SMYD3: variants seen among roughly 807,000 people sequenced by gnomAD.
SMYD3 encodes histone-lysine N-methyltransferase SMYD3.
SMYD3 carries 36 observed loss-of-function variants against 57.7 expected under a neutral mutation model. The ratio of observed to expected loss-of-function variants is 0.62; its 90% CI spans 0.48 to 0.82. SMYD3 has a LOEUF of 0.82. Ranked by LOEUF, SMYD3 falls within the 40% of genes least tolerant of loss-of-function variation. The pLI, the probability that SMYD3 is intolerant of heterozygous loss-of-function variation, is 0.00. For synonymous variants in SMYD3, 211 were observed against 195.0 expected, an observed-to-expected ratio of 1.08 and a Z score of -0.68; for missense variants, 515 against 538.8, an observed-to-expected ratio of 0.96 and a Z score of 0.44.
intron 5 of SMYD3, among the ~76,000 whole-genome samples, chr1:246,088,558 C>G (rs539057581): frequency 0.013 from 1,868 of 140,402 alleles, 80 homozygotes; most frequent in African/African-American, 0.053. Flanking sequence ...TGCAGTGAGC[C>G]GAGATCATGC....
chr1:246,189,964 T>C (rs1255290546), intron 5 of SMYD3, among the ~76,000 whole-genome samples: 3 of 152,216 alleles, frequency 2.0e-5, no homozygotes, highest in Non-Finnish European at 2.9e-5. Flanking sequence ...AGGGGAAATA[T>C]GGAGATCAGT....
chr1:245,824,182 T>C (rs978896956), intron 10 of SMYD3, among the ~76,000 whole-genome samples: 8 of 152,190 alleles, frequency 5.3e-5, no homozygotes, highest in Non-Finnish European at 8.8e-5. Flanking sequence ...CTGCACAAGC[T>C]TGGCATAGAG....
At chr1:245,960,047 G>A (rs570079452) in intron 5 of SMYD3, among the ~76,000 whole-genome samples, 1 of 152,262 alleles carries the variant, frequency 6.6e-6, no homozygotes, top group East Asian at 1.9e-4. Flanking sequence ...CCAAAGTGCT[G>A]GGATTACAGG....
At chr1:246,498,680 G>A (rs1206052358) in intron 1 of SMYD3, among the ~76,000 whole-genome samples, 4 of 145,304 alleles carry the variant, frequency 2.8e-5, no homozygotes, top group East Asian at 2.0e-4. Context: ...GCAGTGAGCC[G>A]AGATCGCACC....
chr1:246,308,828 T>C (rs2065029472), intron 5 of SMYD3, among the ~76,000 whole-genome samples: 1 of 152,194 alleles, frequency 6.6e-6, no homozygotes, highest in Non-Finnish European at 1.5e-5. Flanking sequence ...GGTCAGTATT[T>C]TTAAAAACAA....
intron 1 of SMYD3, among the ~76,000 whole-genome samples, chr1:246,454,987 A>G (rs2067681481): frequency 6.6e-6 from 1 of 152,172 alleles, no homozygotes; most frequent in African/African-American, 2.4e-5. Context: ...CAATACAACA[A>G]ATTTATAACT....
At chr1:246,074,065 T>C (rs1433598430) in intron 5 of SMYD3, among the ~76,000 whole-genome samples, 1 of 152,240 alleles carries the variant, frequency 6.6e-6, no homozygotes, top group Non-Finnish European at 1.5e-5. Context: ...TTTTGTGTGA[T>C]TTTTGTTCTT....
chr1:245,990,817 G>A (rs1396959758), intron 5 of SMYD3, among the ~76,000 whole-genome samples: 3 of 152,200 alleles, frequency 2.0e-5, no homozygotes, highest in Admixed American at 6.5e-5. Context: ...AAGATAACAC[G>A]TGTGTGGTTT....
chr1:246,362,759 C>G (rs936105133), intron 1 of SMYD3, among the ~76,000 whole-genome samples: 2 of 152,244 alleles, frequency 1.3e-5, no homozygotes, highest in African/African-American at 4.8e-5. Flanking sequence ...CTCGTTCACT[C>G]AGTGGTCAAT....
At chr1:246,485,383 A>G (rs1434709371) in intron 1 of SMYD3, among the ~76,000 whole-genome samples, 1 of 152,246 alleles carries the variant, frequency 6.6e-6, no homozygotes, top group Non-Finnish European at 1.5e-5. Context: ...CATTTTTCCA[A>G]TTTCCAAGAT....
At chr1:246,215,086 G>A (rs139868611) in intron 5 of SMYD3, among the ~76,000 whole-genome samples, 3 of 152,174 alleles carry the variant, frequency 2.0e-5, no homozygotes, top group East Asian at 1.9e-4. Flanking sequence ...ATGGCCACAC[G>A]CATGTGGAAG....
chr1:245,978,532 G>T (rs1239737917), intron 5 of SMYD3, among the ~76,000 whole-genome samples: 1 of 152,116 alleles, frequency 6.6e-6, no homozygotes, highest in Non-Finnish European at 1.5e-5. Flanking sequence ...CGAGTGGGTA[G>T]AAATCATCTT....
chr1:245,976,951 C>G (rs112877556), intron 5 of SMYD3, among the ~76,000 whole-genome samples: 13 of 46,440 alleles, frequency 2.8e-4, no homozygotes, highest in South Asian at 9.0e-4. Context: ...GCCATCGTCT[C>G]TAGCCTAGGG....
intron 1 of SMYD3, among the ~76,000 whole-genome samples, chr1:246,455,177 A>T (rs1348224306): frequency 6.6e-6 from 1 of 152,182 alleles, no homozygotes; most frequent in Non-Finnish European, 1.5e-5. Flanking sequence ...TGTTATAGAG[A>T]ATTTCTCACT....
intron 5 of SMYD3, among the ~76,000 whole-genome samples, chr1:246,096,711 T>C (rs75313091): frequency 6.6e-6 from 1 of 152,204 alleles, no homozygotes; most frequent in African/African-American, 2.4e-5. Flanking sequence ...GAACTAACTT[T>C]TGTTGAATAA....
At chr1:246,154,759 G>GTTTT (rs923768945) in intron 5 of SMYD3, among the ~76,000 whole-genome samples, 1 of 146,066 alleles carries the variant, frequency 6.8e-6, no homozygotes, top group African/African-American at 2.5e-5. Flanking sequence ...AACAAACAAT[G>GTTTT]TTTTTTTTTT....
chr1:245,849,114 A>G (rs1041386764), intron 10 of SMYD3, among the ~76,000 whole-genome samples: 1 of 152,188 alleles, frequency 6.6e-6, no homozygotes, highest in Non-Finnish European at 1.5e-5. Context: ...GGGTCCCTCC[A>G]GGTTGGACAA....
chr1:246,100,501 T>G lies in SMYD3; in HGVS notation c.532-170564A>C, dbSNP rs570542782. On this transcript the variant is annotated intron_variant, in intron 5 of 11. Transcript: ENST00000490107. ...CCAAAGCTCACTTTTTCCACAGATC[T>G]GCCTGCAACCCTTGCTTTCCCTCCT... 7.2e-5 allele frequency among the ~76,000 whole-genome samples: 11 copies of G among 152,276 alleles called. No homozygotes were observed. The East Asian group carries it at 1.9e-3, about 27-fold the overall frequency.
chr1:246,171,123 T>C (rs2062322837), intron 5 of SMYD3, among the ~76,000 whole-genome samples: 2 of 152,208 alleles, frequency 1.3e-5, no homozygotes, highest in South Asian at 4.1e-4. Context: ...TTTGGTCTAA[T>C]AGAGTTTCTG....
Sources: allele counts gnomAD v4.1 joint callset (sites outside exome capture counted in the v4.1 genomes callset), GRCh38; gene constraint gnomAD v4.1.1; transcripts MANE v1.5; gene names NCBI Gene and HGNC (gene_info 2026-07-23, HGNC 2026-07-21).